FAM20B: variants seen among roughly 807,000 people sequenced by gnomAD.
FAM20B encodes the protein FAM20B glycosaminoglycan xylosylkinase, also known as glycosaminoglycan xylosylkinase.
A neutral mutation model predicts 43.8 loss-of-function variants in FAM20B; 23 were observed. The observed-to-expected ratio is 0.53, with a 90% CI of 0.38 to 0.74. FAM20B has a LOEUF of 0.74. FAM20B is among the 30% of genes least tolerant of loss of function. The probability of loss-of-function intolerance (pLI) is 0.00; values close to 1 mark genes in which losing one functional copy is unlikely to be tolerated. For synonymous variants in FAM20B, 178 were observed against 192.4 expected (o/e 0.93, Z 0.62); for missense variants, 440 against 510.5 (o/e 0.86, Z 1.33).
intron 2 of FAM20B, among the ~76,000 whole-genome samples, chr1:179,044,906 G>A (rs1650701223): frequency 6.6e-6 from 1 of 152,184 alleles, no homozygotes; most frequent in African/African-American, 2.4e-5. Context: ...GTACCATTTT[G>A]TGTTTCTACC....
intron 1 of FAM20B, among the ~76,000 whole-genome samples, chr1:179,033,890 A>C (rs1471850508): frequency 1.3e-5 from 2 of 151,988 alleles, no homozygotes; most frequent in African/African-American, 4.8e-5. Context: ...ATGGGGTTTC[A>C]CCATGTTGGC....
In FAM20B at chr1:179,072,037, G is replaced by A. The variant is rs200757870; in HGVS notation, c.1123G>A (p.Val375Met). ...PVLSDPHLDA[V>M]DQRLLSVLAT... ...GCTCTCTGATCCTCATCTGGACGCC[G>A]TGGACCAGCGGCTCCTGAGTGTCCT... The change falls in exon 8 of 8, where the codon GTG becomes ATG. Residue 375 changes from valine (V) to methionine (M), a missense_variant. Transcript: ENST00000263733. 5.8e-5 allele frequency: 93 copies of A among 1,614,036 alleles called. No individual in the cohort carries two copies. Among genetic ancestry groups the A allele is most frequent in the South Asian group, 1.6e-4 (15 of 91,078 alleles).
intron 1 of FAM20B, among the ~76,000 whole-genome samples, chr1:179,040,500 A>C (rs1266400952): frequency 8.6e-5 from 8 of 92,508 alleles, no homozygotes; most frequent in Admixed American, 1.2e-4. Flanking sequence ...TGACCCCCCC[A>C]CCTCCCTCCC....
chr1:179,043,677 A>G (rs1335135130), intron 1 of FAM20B, 38 bp from the exon 2 acceptor site: 2 of 586,240 alleles, frequency 3.4e-6, no homozygotes, highest in Non-Finnish European at 5.9e-6. Flanking sequence ...GAAGGACAGA[A>G]TTTTTGATCA....
At chr1:179,067,487 C>G (rs1651738027) in intron 7 of FAM20B, among the ~76,000 whole-genome samples, 1 of 152,084 alleles carries the variant, frequency 6.6e-6, no homozygotes, top group Admixed American at 6.6e-5. Context: ...CACCAGTATT[C>G]CAGCTACTTA....
At chr1:179,042,275 A>G (rs572078151) in intron 1 of FAM20B, among the ~76,000 whole-genome samples, 257 of 152,356 alleles carry the variant, frequency 1.7e-3, no homozygotes, top group Middle Eastern at 3.4e-3. Flanking sequence ...GGGTCTGGCC[A>G]CTGTACACAG....
At chr1:179,060,101 A>ATT (rs56776844) in intron 4 of FAM20B, among the ~76,000 whole-genome samples, 5 of 151,280 alleles carry the variant, frequency 3.3e-5, no homozygotes, top group Admixed American at 2.0e-4. Context: ...ATATATATAT[A>ATT]TTTTTTTATT....
At chr1:179,050,076 A>T (rs927574146) in intron 2 of FAM20B, among the ~76,000 whole-genome samples, 6 of 152,232 alleles carry the variant, frequency 3.9e-5, no homozygotes, top group African/African-American at 1.4e-4. Flanking sequence ...GGTGACGTAG[A>T]TAGAGAATTC....
At chr1:179,062,678 A>C (rs926082464) in intron 4 of FAM20B, among the ~76,000 whole-genome samples, 1 of 151,998 alleles carries the variant, frequency 6.6e-6, no homozygotes, top group Admixed American at 6.6e-5. Flanking sequence ...AACAAACAAA[A>C]AAAAACACCC....
intron 1 of FAM20B, among the ~76,000 whole-genome samples, chr1:179,026,388 CCCTGGCCCA>C (rs1572522857): frequency 2.0e-5 from 3 of 152,118 alleles, no homozygotes. Flanking sequence ...GCCGCCACGT[CCCTGGCCCA>C]CCTGAGGCGC....
At chr1:179,052,307 T>G (rs1253564266) in intron 3 of FAM20B, among the ~76,000 whole-genome samples, 1 of 152,122 alleles carries the variant, frequency 6.6e-6, no homozygotes, top group Non-Finnish European at 1.5e-5. Flanking sequence ...GGGAGGTTCA[T>G]CCTCACCAGA....
At chr1:179,068,974 G>C (rs1015262797) in intron 7 of FAM20B, among the ~76,000 whole-genome samples, 1 of 152,220 alleles carries the variant, frequency 6.6e-6, no homozygotes. Context: ...GCCACAGCTG[G>C]TGTCATGACA....
chr1:179,023,760 G>C (rs1379113294), upstream of FAM20B, among the ~76,000 whole-genome samples: 1 of 152,144 alleles, frequency 6.6e-6, no homozygotes, highest in Non-Finnish European at 1.5e-5. Flanking sequence ...CTCAATACCA[G>C]CCCACACTGT....
At chr1:179,055,439 GA>G (rs1651173530) in intron 4 of FAM20B, among the ~76,000 whole-genome samples, 1 of 152,106 alleles carries the variant, frequency 6.6e-6, no homozygotes, top group African/African-American at 2.4e-5. Flanking sequence ...TTAAAATGAG[GA>G]AAAACTGAAT....
intron 4 of FAM20B, among the ~76,000 whole-genome samples, chr1:179,055,464 AT>A (rs1161015040): frequency 2.0e-5 from 3 of 152,234 alleles, no homozygotes. Flanking sequence ...TAAAGGACTT[AT>A]GACAGATTCA....
At chr1:179,060,518 G>T (rs1651419086) in intron 4 of FAM20B, among the ~76,000 whole-genome samples, 1 of 152,146 alleles carries the variant, frequency 6.6e-6, no homozygotes, top group Admixed American at 6.6e-5. Context: ...AGGAGCACAA[G>T]CCCTATTGTG....
At chr1:179,037,687 G>C (rs1410650170) in intron 1 of FAM20B, among the ~76,000 whole-genome samples, 2 of 151,738 alleles carry the variant, frequency 1.3e-5, no homozygotes, top group East Asian at 3.9e-4. Context: ...GGGTTTCGCC[G>C]TGTTGTCCAG....
At chr1:179,025,117 A>G (rs890224417), upstream of FAM20B, among the ~76,000 whole-genome samples, 11 of 152,228 alleles carry the variant, frequency 7.2e-5, no homozygotes, top group African/African-American at 2.4e-4. Flanking sequence ...GCGGCTCTGT[A>G]TAAGTCAGCT....
chr1:179,042,682 G>T (rs1183555330), intron 1 of FAM20B, among the ~76,000 whole-genome samples: 1 of 152,194 alleles, frequency 6.6e-6, no homozygotes, highest in Non-Finnish European at 1.5e-5. Context: ...GAGCAAAGTG[G>T]AGAGGAGCTT....
Sources: gnomAD v4.1 joint callset for allele counts (sites outside exome capture counted in the v4.1 genomes callset) on GRCh38, gnomAD v4.1.1 for gene constraint, MANE v1.5 for transcripts, NCBI Gene and HGNC (gene_info 2026-07-23, HGNC 2026-07-21) for gene names.